Variants in CYTH3 observed in about 807,000 individuals in gnomAD.
CYTH3 encodes the protein cytohesin-3.
In CYTH3, 23 loss-of-function variants were observed where a neutral mutation model predicts 55.1. That is an observed-to-expected ratio of 0.42 (90% CI 0.30 to 0.59). The LOEUF (loss-of-function observed/expected upper bound fraction) is 0.59. Among genes scored for constraint, CYTH3 ranks in the 20% least tolerant of loss-of-function variants. The pLI, the probability that CYTH3 is intolerant of heterozygous loss-of-function variation, is 0.20. For synonymous variants in CYTH3, 249 were observed against 194.9 expected (o/e 1.28, Z -2.31); for missense variants, 413 against 524.8 (o/e 0.79, Z 2.08).
At chr7:6,269,971 G>C (rs1185096361) in intron 1 of CYTH3, among the ~76,000 whole-genome samples, 3 of 152,108 alleles carry the variant, frequency 2.0e-5, no homozygotes, top group African/African-American at 7.2e-5. Flanking sequence ...GACTCCCCCA[G>C]ATACAGTTCA....
chr7:6,201,414 T>C (rs1784057140), intron 1 of CYTH3, among the ~76,000 whole-genome samples: 1 of 152,232 alleles, frequency 6.6e-6, no homozygotes, highest in African/African-American at 2.4e-5. Context: ...AATCTCCATG[T>C]GGTGATCTTC....
chr7:6,187,557 C>T (rs777809951), intron 3 of CYTH3, 100 bp downstream of exon 3: 11 of 1,050,708 alleles, frequency 1.0e-5, no homozygotes, highest in Non-Finnish European at 1.6e-5. Flanking sequence ...AGGCTCCCCA[C>T]ATCCCAACCA....
At chr7:6,235,716 G>C (rs191328002) in intron 1 of CYTH3, among the ~76,000 whole-genome samples, 108 of 152,234 alleles carry the variant, frequency 7.1e-4, no homozygotes, top group African/African-American at 2.5e-3. Flanking sequence ...GTAGTATCTT[G>C]CTGCTCATTT....
At chr7:6,173,443 A>G (rs1783254167) in intron 6 of CYTH3, among the ~76,000 whole-genome samples, 1 of 152,254 alleles carries the variant, frequency 6.6e-6, no homozygotes. Flanking sequence ...TGAGGAAAGC[A>G]CGGCCCTTAT....
At chr7:6,176,038 T>G (rs1262811688) in intron 5 of CYTH3, among the ~76,000 whole-genome samples, 1 of 152,178 alleles carries the variant, frequency 6.6e-6, no homozygotes, top group East Asian at 1.9e-4. Context: ...ATCTTAGCAA[T>G]AGTAAGCCCT....
At chr7:6,196,667 G>A (rs1336768669) in intron 1 of CYTH3, among the ~76,000 whole-genome samples, 1 of 151,918 alleles carries the variant, frequency 6.6e-6, no homozygotes, top group African/African-American at 2.4e-5. Flanking sequence ...CACCGTGTTG[G>A]CCAGGCTGGT....
intron 1 of CYTH3, among the ~76,000 whole-genome samples, chr7:6,247,988 C>T (rs1207871055): frequency 6.6e-6 from 1 of 151,870 alleles, no homozygotes; most frequent in African/African-American, 2.4e-5. Context: ...TCTCTCTGCC[C>T]TAGTTTTCAG....
intron 1 of CYTH3, among the ~76,000 whole-genome samples, chr7:6,218,126 G>A (rs1343330029): frequency 6.7e-6 from 1 of 150,240 alleles, no homozygotes; most frequent in African/African-American, 2.5e-5. Context: ...GTTGCAGTGA[G>A]CCGAGATCAC....
At chr7:6,203,515 A>G (rs1784108742) in intron 1 of CYTH3, among the ~76,000 whole-genome samples, 1 of 152,228 alleles carries the variant, frequency 6.6e-6, no homozygotes, top group African/African-American at 2.4e-5. Context: ...TCTCAGCAGA[A>G]AATTCTGCAA....
intron 1 of CYTH3, among the ~76,000 whole-genome samples, chr7:6,259,847 T>TTA (rs1780304285): frequency 4.8e-5 from 4 of 83,092 alleles, no homozygotes; most frequent in Non-Finnish European, 8.6e-5. Context: ...TTTTTTTTTT[T>TTA]AAGACGGATT....
In CYTH3 at chr7:6,163,786, GTT is replaced by G. The variant is rs1782908961; in HGVS notation, c.*1156_*1157del. On this transcript the variant is annotated 3_prime_UTR_variant, in exon 13 of 13. Coordinates refer to ENST00000350796, the MANE Select transcript of CYTH3 (RefSeq NM_004227.4). ...ACTACATGGGGTGAGACTGTTTTTA[GTT>G]AATTCTGTGTCTATTCATTAAGAAA... 6.6e-6 allele frequency: 1 copy of G among 152,190 alleles called. No homozygotes were observed. The highest frequency in any genetic ancestry group is 1.5e-5 in the Non-Finnish European group (1 of 68,030). The allele number at this position is 152,190 out of a possible 1,614,324, so 9.4% of individuals were successfully genotyped here. A position where few individuals can be genotyped will look rare whatever the true frequency, so the allele number is the denominator to read the frequency against.
intron 5 of CYTH3, 135 bp from the exon 6 acceptor site, chr7:6,173,868 G>A (rs1783265804): frequency 1.6e-6 from 1 of 641,506 alleles, no homozygotes; most frequent in Middle Eastern, 3.1e-4. Flanking sequence ...TAAAACATTT[G>A]TATTTTTTGT....
At chr7:6,228,977 C>T (rs533789075) in intron 1 of CYTH3, among the ~76,000 whole-genome samples, 1 of 152,202 alleles carries the variant, frequency 6.6e-6, no homozygotes, top group Admixed American at 6.5e-5. Flanking sequence ...CTGAAGGCTC[C>T]TAGGGCACAT....
At position 6,210,084 on chromosome 7, in the gene CYTH3, T is replaced by C. The variant is rs75490781; in HGVS notation, c.35-19553A>G. Among the ~76,000 whole-genome samples the C allele has an allele frequency of 2.5e-3, 386 of 152,216 alleles. 11 individuals are homozygous for C. In the East Asian group the frequency reaches 0.069, roughly 27 times the overall value. Reference sequence around the variant, plus strand: ...GGACCCCAAGGACCCCAAAAGGAAATGCTATTGTAAACCATAAACTTCAGT... The same window carrying C: ...GGACCCCAAGGACCCCAAAAGGAAACGCTATTGTAAACCATAAACTTCAGT... On this transcript the variant is annotated intron_variant, in intron 1 of 12. Transcript: ENST00000350796.
chr7:6,249,230 T>C (rs572845691), intron 1 of CYTH3, among the ~76,000 whole-genome samples: 1 of 152,304 alleles, frequency 6.6e-6, no homozygotes, highest in Non-Finnish European at 1.5e-5. Flanking sequence ...AGGGCTTCTC[T>C]TGGGGATGAA....
chr7:6,257,709 C>A (rs761497404), intron 1 of CYTH3, among the ~76,000 whole-genome samples: 2 of 152,162 alleles, frequency 1.3e-5, no homozygotes, highest in Non-Finnish European at 2.9e-5. Flanking sequence ...GAGATCCTTA[C>A]TGAATGAATG....
Position 6,168,650 on chromosome 7 carries a change from C to T in CYTH3, c.823+1885G>A, listed in dbSNP as rs80353565. 2.2e-4 allele frequency among the ~76,000 whole-genome samples: 33 copies of T among 152,336 alleles called. No individual in the cohort carries two copies. The East Asian group carries it at 3.9e-3, about 18-fold the overall frequency. ...CTCCAGGGCCCCTGCGCTTGGCACC[C>T]GGCGCCCAGCCAGCTCTTGGTTCCC... On this transcript the variant is annotated intron_variant, in intron 9 of 12. Transcript: ENST00000350796.
In CYTH3 at chr7:6,169,068, T is replaced by C. The variant is rs540948074; in HGVS notation, c.823+1467A>G. Among the ~76,000 whole-genome samples, 2 of 152,214 alleles carry C rather than the reference T, an allele frequency of 1.3e-5. No individual in the cohort carries two copies. Among genetic ancestry groups the C allele is most frequent in the African/African-American group, 4.8e-5 (2 of 41,532 alleles). ...ATGGTACTAGGTTTTCAGGCAAATA[T>C]CTACAACTCCCCTAAACCTCGGTAC... is the stretch of plus-strand genomic sequence containing the variant. On this transcript the variant is annotated intron_variant, in intron 9 of 12. Transcript: ENST00000350796. This position sits in a 1 kb window ranked among gnomAD's most constrained non-coding sequence, Gnocchi z 4.1.
chr7:6,167,425 C>T lies in CYTH3; in HGVS notation c.824-1615G>A, dbSNP rs1562873709. Among the ~76,000 whole-genome samples, 1 of 152,194 alleles carries T rather than the reference C, an allele frequency of 6.6e-6. No individual in the cohort carries two copies. The highest frequency in any genetic ancestry group is 2.4e-5 in the African/African-American group (1 of 41,440). Reference sequence around the variant, plus strand: ...GAACTGCTGTGGCAGAATCAGCTGACAGCAACTCCACTACCCTGACATCCG... The same window carrying T: ...GAACTGCTGTGGCAGAATCAGCTGATAGCAACTCCACTACCCTGACATCCG... On this transcript the variant is annotated intron_variant, in intron 9 of 12. Transcript: ENST00000350796. This position sits in a 1 kb window ranked among gnomAD's most constrained non-coding sequence, Gnocchi z 5.5.
Sources: allele counts gnomAD v4.1 joint callset (sites outside exome capture counted in the v4.1 genomes callset), GRCh38; gene constraint gnomAD v4.1.1; non-coding constraint Gnocchi (gnomAD v3.1); transcripts MANE v1.5; gene names NCBI Gene and HGNC (gene_info 2026-07-23, HGNC 2026-07-21).